MAP1A: variants seen among roughly 807,000 people sequenced by gnomAD.
MAP1A encodes microtubule-associated protein 1A.
A neutral mutation model predicts 185.9 loss-of-function variants in MAP1A; 42 were observed. The observed-to-expected ratio is 0.23, with a 90% CI of 0.18 to 0.29. The LOEUF (loss-of-function observed/expected upper bound fraction) is 0.29, where lower values mean the gene tolerates loss of function less well. Ranked by LOEUF, MAP1A falls within the 10% of genes least tolerant of loss-of-function variation. The pLI, the probability that MAP1A is intolerant of heterozygous loss-of-function variation, is 1.00. For synonymous variants in MAP1A, 1,229 were observed against 1,335.9 expected (o/e 0.92, Z 1.74); for missense variants, 2,995 against 3,450.4 (o/e 0.87, Z 3.31).
At chr15:43,516,870 C>T (rs576483257), upstream of MAP1A, among the ~76,000 whole-genome samples, 1 of 152,304 alleles carries the variant, frequency 6.6e-6, no homozygotes, top group South Asian at 2.1e-4. Context: ...GCAGAAAGCT[C>T]CCTGTCCCTT....
rs778606737 is a variant in MAP1A, at chr15:43,521,728, G to A, written c.255G>A (p.Val85=). 2 of 1,614,216 alleles carry A rather than the reference G, an allele frequency of 1.2e-6. No homozygotes were observed. The highest frequency in any genetic ancestry group is 2.2e-5 in the South Asian group (2 of 91,082). Residue 85 remains valine, a synonymous_variant, in exon 4 of 6, where the codon GTG becomes GTA. Coordinates refer to ENST00000300231, the MANE Select transcript of MAP1A (RefSeq NM_002373.6). The surrounding 1 kb of genome is among the most constrained non-coding windows in gnomAD (Gnocchi z 4.6). ...LVRHLDRIDS[V]LLTHIGADNL... ...GGCACTTGGACCGCATTGACTCGGT[G>A]CTACTCACACACATTGGGGCAGACA... is the stretch of plus-strand genomic sequence containing the variant.
rs1451945975 is a variant in MAP1A at position 43,520,719 on chromosome 15, C to G, written c.-296C>G. On this transcript the variant is annotated 5_prime_UTR_variant, in exon 2 of 6. Transcript: ENST00000300231. ...AATCCCAGTGCAGACAGCATCAGCT[C>G]TGAGGTAAGGCCAGGGCCTGTGCCT... 5 of 1,548,636 alleles carry G rather than the reference C, an allele frequency of 3.2e-6. No individual in the cohort carries two copies. In the Admixed American group the frequency reaches 9.8e-5, roughly 30 times the overall value.
At position 43,528,068 on chromosome 15, in the gene MAP1A, G is replaced by T; in HGVS notation, c.6595G>T (p.Asp2199Tyr). The stretch of plus-strand genomic sequence containing the variant: ...CTGTGGCTCCCTTGCCTTCTCTGGG[G>T]ATCGAGCTCTGGCTCTGGCTCCAGG... ...APCGSLAFSG[D>Y]RALALAPGPP... Residue 2199 changes from aspartate to tyrosine, a missense_variant, in exon 4 of 6, where the codon GAT becomes TAT. Around this residue, in one of 3 missense-constraint regions of MAP1A, gnomAD observed 2,728 missense variants for 2,986.0 expected, o/e 0.91. Transcript: ENST00000300231. 1 of 1,613,984 alleles carries T rather than the reference G, an allele frequency of 6.2e-7. No individual in the cohort carries two copies.
At position 43,528,647 on chromosome 15, in the gene MAP1A, G is replaced by C; in HGVS notation, c.7174G>C (p.Ala2392Pro). 1 of 1,613,350 alleles carries C rather than the reference G, an allele frequency of 6.2e-7. No individual in the cohort carries two copies. ...GGCTTGCCCTGCCTGGGAACGTGGG[G>C]CCTGGCCTGAAGGAGCTGAGAGGAG... Reference protein sequence around the residue: ...AAACPAWERGAWPEGAERSSR... With the variant: ...AAACPAWERGPWPEGAERSSR... Residue 2392 changes from alanine (A) to proline (P), a missense_variant, in exon 4 of 6, where the codon GCC becomes CCC. Physicochemically the swap from Ala to Pro is conservative, Grantham distance 27. Coordinates refer to ENST00000300231, the MANE Select transcript of MAP1A (RefSeq NM_002373.6).
In MAP1A at chr15:43,524,623, G is replaced by C. The variant is rs1398359285; in HGVS notation, c.3150G>C (p.Lys1050Asn). The change falls in exon 4 of 6, where the codon AAG becomes AAC. Residue 1050 changes from lysine to asparagine, a missense_variant. Coordinates refer to ENST00000300231, the MANE Select transcript of MAP1A (RefSeq NM_002373.6). ...AAGATGCTGCTGAGGAGACAGTCAA[G>C]CCAGGGCCTGAAGAGGGCACACTAG... ...GKEDAAEETV[K>N]PGPEEGTLEK... 5 of 1,614,152 alleles carry C rather than the reference G, an allele frequency of 3.1e-6. No homozygotes were observed. The highest frequency in any genetic ancestry group is 4.2e-6 in the Non-Finnish European group (5 of 1,180,022).
Position 43,522,913 on chromosome 15 carries a change from C to T in MAP1A, c.1440C>T (p.Val480=). 6.2e-7 allele frequency: 1 copy of T among 1,613,440 alleles called. No homozygotes were observed. Among genetic ancestry groups the T allele is most frequent in the Non-Finnish European group, 8.5e-7 (1 of 1,179,698 alleles). Residue 480 remains valine (V), a synonymous_variant, in exon 4 of 6, where the codon GTC becomes GTT. Transcript: ENST00000300231. This position sits in a 1 kb window ranked among gnomAD's most constrained non-coding sequence, Gnocchi z 5.9. ...GTAAGACCCTCTATAAAGCCAAGGT[C>T]CCTGGAAGAGTCAAAATAGACAGGA... is the stretch of plus-strand genomic sequence containing the variant. ...EVRKTLYKAK[V]PGRVKIDRSR... is the part of the protein sequence containing the mutation.
In MAP1A at chr15:43,522,503, G is replaced by C. The variant is rs761352640; in HGVS notation, c.1030G>C (p.Gly344Arg). ...LAKREEVVEE[G>R]AKEARSELAK... is the part of the protein sequence containing the mutation. ...CAAACGGGAGGAGGTGGTAGAAGAG[G>C]GAGCCAAGGAGGCACGTTCAGAGCT... is the stretch of plus-strand genomic sequence containing the variant. Residue 344 changes from glycine (G) to arginine (R), a missense_variant, in exon 4 of 6, where the codon GGA becomes CGA. Gly to Arg is a moderately radical substitution (Grantham distance 125, BLOSUM62 -2). Around this residue, in one of 3 missense-constraint regions of MAP1A, gnomAD observed 2,728 missense variants for 2,986.0 expected, o/e 0.91. Coordinates refer to ENST00000300231, the MANE Select transcript of MAP1A (RefSeq NM_002373.6). This position sits in a 1 kb window ranked among gnomAD's most constrained non-coding sequence, Gnocchi z 5.9. The C allele has an allele frequency of 6.2e-7, 1 of 1,613,620 alleles. No individual in the cohort carries two copies. The highest frequency in any genetic ancestry group is 8.5e-7 in the Non-Finnish European group (1 of 1,179,898).
chr15:43,527,962 C>T lies in MAP1A; in HGVS notation c.6489C>T (p.Phe2163=), dbSNP rs749150934. 2.5e-6 allele frequency: 4 copies of T among 1,614,008 alleles called. No homozygotes were observed. The African/African-American group carries it at 4.0e-5, about 16-fold the overall frequency. Residue 2163 remains phenylalanine (F), a synonymous_variant, in exon 4 of 6, where the codon TTC becomes TTT. Transcript: ENST00000300231. The stretch of plus-strand genomic sequence containing the variant: ...GGCCTGCCCGACCCAGTCTGGACTT[C>T]CCTGCTTCAGCCTTTGGCTTCTCCT... ...HLGPARPSLD[F]PASAFGFSSL... is the part of the protein sequence containing the mutation.
In MAP1A at chr15:43,521,421, G is replaced by T; in HGVS notation, c.-53G>T. On this transcript the variant is annotated 5_prime_UTR_variant, in exon 4 of 6. Transcript: ENST00000300231. This position sits in a 1 kb window ranked among gnomAD's most constrained non-coding sequence, Gnocchi z 4.6. Reference sequence around the variant, plus strand: ...GATTGGAGCCACCTGGGATTATCCAGTTCCCAAGAGACCCTGCACCTCCGG... The same window carrying T: ...GATTGGAGCCACCTGGGATTATCCATTTCCCAAGAGACCCTGCACCTCCGG... The T allele has an allele frequency of 6.2e-7, 1 of 1,614,102 alleles. No homozygotes were observed. The highest frequency in any genetic ancestry group is 1.3e-5 in the African/African-American group (1 of 75,038).
upstream of MAP1A, chr15:43,517,603 G>T: frequency 1.1e-5 from 1 of 88,830 alleles, no homozygotes; most frequent in South Asian, 4.6e-4. Context: ...CCCACCGCCC[G>T]CCCCACTCCC....
chr15:43,512,252 A>C (rs2079283781), exon 2 of MAP1A: 1 of 1,549,576 alleles, frequency 6.5e-7, no homozygotes, highest in African/African-American at 1.4e-5. Flanking sequence ...GAGACTCTTC[A>C]TTACCCGGCA....
rs755004939 is a variant in MAP1A at position 43,527,946 on chromosome 15, G to T, written c.6473G>T (p.Arg2158Leu). 7 of 1,613,908 alleles carry T rather than the reference G, an allele frequency of 4.3e-6. No homozygotes were observed. The Admixed American group carries it at 1.0e-4, about 23-fold the overall frequency. Reference protein sequence around the residue: ...PPLDSHLGPARPSLDFPASAF... With the variant: ...PPLDSHLGPALPSLDFPASAF... ...TTGGACTCACACCTGGGGCCTGCCCGACCCAGTCTGGACTTCCCTGCTTCA... is the reference window on the plus strand; with the variant it reads ...TTGGACTCACACCTGGGGCCTGCCCTACCCAGTCTGGACTTCCCTGCTTCA... Residue 2158 changes from arginine (R) to leucine (L), a missense_variant, in exon 4 of 6, where the codon CGA becomes CTA. Arg to Leu is a moderately radical substitution (Grantham distance 102). Transcript: ENST00000300231.
In MAP1A at chr15:43,523,920, T is replaced by C; in HGVS notation, c.2447T>C (p.Val816Ala). 6.2e-7 allele frequency: 1 copy of C among 1,614,178 alleles called. No homozygotes were observed. The highest frequency in any genetic ancestry group is 8.5e-7 in the Non-Finnish European group (1 of 1,180,026). Residue 816 changes from valine (V) to alanine (A), a missense_variant, in exon 4 of 6, where the codon GTG becomes GCG. Transcript: ENST00000300231. Reference protein sequence around the residue: ...ETELTYPTNIVAAPLAEEEHV... With the variant: ...ETELTYPTNIAAAPLAEEEHV... ...GAACTCACCTACCCCACTAACATAGTGGCTGCCCCTTTGGCTGAAGAGGAA... is the reference window on the plus strand; with the variant it reads ...GAACTCACCTACCCCACTAACATAGCGGCTGCCCCTTTGGCTGAAGAGGAA...
chr15:43,521,019 G>A lies in MAP1A; in HGVS notation c.-244G>A, dbSNP rs1361207575. Reference sequence around the variant, plus strand: ...CATCAGCTTATAAACTACTAATCTTGAGTGGGCAAAGTTTAGAGCCTGGGG... The same window carrying A: ...CATCAGCTTATAAACTACTAATCTTAAGTGGGCAAAGTTTAGAGCCTGGGG... On this transcript the variant is annotated 5_prime_UTR_variant, in exon 3 of 6. Transcript: ENST00000300231. This position sits in a 1 kb window ranked among gnomAD's most constrained non-coding sequence, Gnocchi z 4.6. 1.3e-6 allele frequency: 2 copies of A among 1,549,912 alleles called. No individual in the cohort carries two copies. Among genetic ancestry groups the A allele is most frequent in the Non-Finnish European group, 1.7e-6 (2 of 1,146,582 alleles).
At position 43,522,165 on chromosome 15, in the gene MAP1A, T is replaced by A; in HGVS notation, c.692T>A (p.Leu231Gln). The A allele has an allele frequency of 6.2e-7, 1 of 1,614,242 alleles. No individual in the cohort carries two copies. Among genetic ancestry groups the A allele is most frequent in the Non-Finnish European group, 8.5e-7 (1 of 1,180,044 alleles). Residue 231 changes from leucine to glutamine, a missense_variant, in exon 4 of 6, where the codon CTG (leucine) becomes CAG (glutamine). Around this residue, in one of 3 missense-constraint regions of MAP1A, gnomAD observed 264 missense variants for 435.3 expected, o/e 0.61. Coordinates refer to ENST00000300231, the MANE Select transcript of MAP1A (RefSeq NM_002373.6). This position sits in a 1 kb window ranked among gnomAD's most constrained non-coding sequence, Gnocchi z 5.9. ...AGTAAAGCCAAGACAGGCATCGTGC[T>A]GCCCAATGGGAAGGAGGCTGAGATC... ...GNSKAKTGIV[L>Q]PNGKEAEISV...
rs1566979641 is a variant in MAP1A at position 43,529,325 on chromosome 15, C to T, written c.7852C>T (p.Pro2618Ser). 6.2e-7 allele frequency: 1 copy of T among 1,613,888 alleles called. No individual in the cohort carries two copies. The highest frequency in any genetic ancestry group is 8.5e-7 in the Non-Finnish European group (1 of 1,180,020). Residue 2618 changes from proline (P) to serine (S), a missense_variant, in exon 4 of 6, where the codon CCT becomes TCT. Transcript: ENST00000300231. The surrounding 1 kb of genome is among the most constrained non-coding windows in gnomAD (Gnocchi z 4.3). ...RAPGKAKPASPARRLDLRGKR... is the reference protein window; with the variant it reads ...RAPGKAKPASSARRLDLRGKR... ...CCCAGGCAAGGCCAAGCCAGCGTCCCCTGCACGGCGTCTGGATCTTCGGGG... is the reference window on the plus strand; with the variant it reads ...CCCAGGCAAGGCCAAGCCAGCGTCCTCTGCACGGCGTCTGGATCTTCGGGG...
rs200277447 is a variant in MAP1A, at chr15:43,527,884, A to G, written c.6411A>G (p.Thr2137=). 4.5e-5 allele frequency: 73 copies of G among 1,613,990 alleles called. No individual in the cohort carries two copies. The Admixed American group carries it at 1.2e-3, about 27-fold the overall frequency. Residue 2137 remains threonine (T), a synonymous_variant, in exon 4 of 6, where the codon ACA becomes ACG. Coordinates refer to ENST00000300231, the MANE Select transcript of MAP1A (RefSeq NM_002373.6). ...PPHPIPMGSP[T]LWPETEAHVS... ...ACCCCATTCCTATGGGGTCCCCCAC[A>G]TTATGGCCAGAAACTGAGGCACATG... is the stretch of plus-strand genomic sequence containing the variant.
At position 43,526,017 on chromosome 15, in the gene MAP1A, T is replaced by C; in HGVS notation, c.4544T>C (p.Val1515Ala). 1 of 1,613,358 alleles carries C rather than the reference T, an allele frequency of 6.2e-7. No individual in the cohort carries two copies. The highest frequency in any genetic ancestry group is 8.5e-7 in the Non-Finnish European group (1 of 1,179,890). ...SVEHKAPEDT[V>A]AEMKDRDLEQ... The stretch of plus-strand genomic sequence containing the variant: ...GAACATAAGGCTCCGGAGGACACGG[T>C]CGCTGAAATGAAGGACAGAGACCTA... Residue 1515 changes from valine to alanine, a missense_variant, in exon 4 of 6, where the codon GTC becomes GCC. Val to Ala is a moderately conservative substitution (Grantham distance 64, BLOSUM62 0). This residue lies in a region of MAP1A where 2,728 missense variants were observed against 2,986.0 expected (regional missense o/e 0.91). Transcript: ENST00000300231. This position sits in a 1 kb window ranked among gnomAD's most constrained non-coding sequence, Gnocchi z 4.7.
At position 43,522,171 on chromosome 15, in the gene MAP1A, A is replaced by G. The variant is rs772286968; in HGVS notation, c.698A>G (p.Asn233Ser). 122 of 1,614,134 alleles carry G rather than the reference A, an allele frequency of 7.6e-5. 1 individual carries two copies. In the East Asian group the frequency reaches 9.8e-4, roughly 13 times the overall value. ...GCCAAGACAGGCATCGTGCTGCCCAATGGGAAGGAGGCTGAGATCTCCGTG... is the reference window on the plus strand; with the variant it reads ...GCCAAGACAGGCATCGTGCTGCCCAGTGGGAAGGAGGCTGAGATCTCCGTG... ...SKAKTGIVLP[N>S]GKEAEISVPY... The change falls in exon 4 of 6, where the codon AAT becomes AGT. Residue 233 changes from asparagine to serine, a missense_variant. By Grantham distance (46) the Asn-to-Ser change is conservative. This residue lies in a region of MAP1A where 264 missense variants were observed against 435.3 expected (regional missense o/e 0.61). Transcript: ENST00000300231. The surrounding 1 kb of genome is among the most constrained non-coding windows in gnomAD (Gnocchi z 5.9).
Sources: gnomAD v4.1 joint callset for allele counts (sites outside exome capture counted in the v4.1 genomes callset) on GRCh38, gnomAD v4.1.1 for gene constraint, gnomAD v4.1.1 regional missense constraint, Gnocchi (gnomAD v3.1) non-coding constraint, MANE v1.5 for transcripts, NCBI Gene and HGNC (gene_info 2026-07-23, HGNC 2026-07-21) for gene names.